Variants in WRAP53 observed in about 807,000 individuals in gnomAD.
The protein encoded by WRAP53 is WD repeat containing antisense to TP53.
A neutral mutation model predicts 56.6 loss-of-function variants in WRAP53; 28 were observed. The observed-to-expected ratio is 0.50, with a 90% CI of 0.37 to 0.68. The LOEUF is 0.68. Among genes scored for constraint, WRAP53 ranks in the 30% least tolerant of loss-of-function variants. WRAP53 has a pLI of 0.00. For synonymous variants in WRAP53, 283 were observed against 283.4 expected (o/e 1.00, Z 0.01); for missense variants, 671 against 715.5 (o/e 0.94, Z 0.71).
chr17:7,700,894 G>A, intron 5 of WRAP53, 65 bp downstream of exon 5: 1 of 1,245,556 alleles, frequency 8.0e-7, no homozygotes, highest in East Asian at 2.3e-5. Flanking sequence ...CCTCTTGGGA[G>A]AGTCAAGGGC....
upstream of WRAP53, chr17:7,686,463 A>T (rs1432128235): frequency 2.0e-5 from 3 of 152,182 alleles, no homozygotes; most frequent in Non-Finnish European, 4.4e-5. Flanking sequence ...AAAGAAGGGG[A>T]GGGATTGAGG....
chr17:7,695,659 C>T (rs1301566568), intron 4 of WRAP53, among the ~76,000 whole-genome samples: 1 of 152,182 alleles, frequency 6.6e-6, no homozygotes, highest in Non-Finnish European at 1.5e-5. Context: ...TGGCACTGTA[C>T]AGCCTTCCGG....
Position 7,703,320 on chromosome 17 carries a change from A to G in WRAP53, c.1481A>G (p.Glu494Gly), listed in dbSNP as rs1317289708. 6.2e-7 allele frequency: 1 copy of G among 1,613,852 alleles called. No homozygotes were observed. Among genetic ancestry groups the G allele is most frequent in the Admixed American group, 1.7e-5 (1 of 60,014 alleles). Reference sequence around the variant, plus strand: ...CCTGAGCCCACAGAGAGTGGGGACGAAGGAGAGGAGCTGGGCCTTCCCTTG... The same window carrying G: ...CCTGAGCCCACAGAGAGTGGGGACGGAGGAGAGGAGCTGGGCCTTCCCTTG... ...VFPEPTESGD[E>G]GEELGLPLLS... Residue 494 changes from glutamate to glycine, a missense_variant, in exon 11 of 11, where the codon GAA (glutamate) becomes GGA (glycine). Transcript: ENST00000396463.
Position 7,701,175 on chromosome 17 carries a change from T to C in WRAP53, c.732-284T>C, listed in dbSNP as rs2074268388. ...TTCATAGAGATGGGGTTTCACCACG[T>C]TGGCCAGGCTGGTCTCGAACTGACC... On this transcript the variant is annotated intron_variant, in intron 5 of 10. Transcript: ENST00000396463. This position sits in a 1 kb window ranked among gnomAD's most constrained non-coding sequence, Gnocchi z 4.2. 1.3e-5 allele frequency among the ~76,000 whole-genome samples: 2 copies of C among 152,202 alleles called. No homozygotes were observed. The highest frequency in any genetic ancestry group is 2.9e-5 in the Non-Finnish European group (2 of 68,042).
Position 7,702,846 on chromosome 17 carries a change from C to A in WRAP53, c.1268C>A (p.Pro423Gln). The A allele has an allele frequency of 6.2e-7, 1 of 1,613,862 alleles. No homozygotes were observed. Among genetic ancestry groups the A allele is most frequent in the Non-Finnish European group, 8.5e-7 (1 of 1,179,982 alleles). ...CAGCGCATCTACTTCGATCTGGACCCGTGAGTGGCTGTGACTCCTTCCTAC... is the reference window on the plus strand; with the variant it reads ...CAGCGCATCTACTTCGATCTGGACCAGTGAGTGGCTGTGACTCCTTCCTAC... Reference protein sequence around the residue: ...TNQRIYFDLDPTGQFLVSGST... With the variant: ...TNQRIYFDLDQTGQFLVSGST... The change falls in exon 9 of 11, where the codon CCG (proline) becomes CAG (glutamine). Residue 423 changes from proline (P) to glutamine (Q), a missense_variant and splice_region_variant. Pro to Gln is a moderately conservative substitution (Grantham distance 76, BLOSUM62 -1). Around this residue, in one of 3 missense-constraint regions of WRAP53, gnomAD observed 158 missense variants for 215.7 expected, o/e 0.73. Transcript: ENST00000396463. This position sits in a 1 kb window ranked among gnomAD's most constrained non-coding sequence, Gnocchi z 5.0.
rs976099760 is a variant in WRAP53 at position 7,688,856 on chromosome 17, G to T, written c.208G>T (p.Gly70Trp). The T allele has an allele frequency of 2.2e-4, 359 of 1,614,094 alleles. No individual in the cohort carries two copies. The highest frequency in any genetic ancestry group is 3.0e-4 in the Non-Finnish European group (353 of 1,180,042). ...GSAVSQELRE[G>W]DPVSLSTPLE... ...AGCTGTGTCCCAGGAGCTACGGGAG[G>T]GGGACCCAGTTTCTCTCTCCACTCC... Residue 70 changes from glycine (G) to tryptophan (W), a missense_variant, in exon 2 of 11, where the codon GGG becomes TGG. Physicochemically the swap from Gly to Trp is radical, Grantham distance 184. Around this residue, in one of 3 missense-constraint regions of WRAP53, gnomAD observed 406 missense variants for 418.5 expected, o/e 0.97. Transcript: ENST00000396463.
chr17:7,703,316 G>T lies in WRAP53; in HGVS notation c.1477G>T (p.Asp493Tyr). 6.2e-7 allele frequency: 1 copy of T among 1,613,958 alleles called. No individual in the cohort carries two copies. Among genetic ancestry groups the T allele is most frequent in the Non-Finnish European group, 8.5e-7 (1 of 1,180,016 alleles). The change falls in exon 11 of 11, where the codon GAC becomes TAC. Residue 493 changes from aspartate (D) to tyrosine (Y), a missense_variant. Around this residue, in one of 3 missense-constraint regions of WRAP53, gnomAD observed 107 missense variants for 81.3 expected, o/e 1.32. Coordinates refer to ENST00000396463, the MANE Select transcript of WRAP53 (RefSeq NM_001143992.2). Reference sequence around the variant, plus strand: ...GTTTCCTGAGCCCACAGAGAGTGGGGACGAAGGAGAGGAGCTGGGCCTTCC... The same window carrying T: ...GTTTCCTGAGCCCACAGAGAGTGGGTACGAAGGAGAGGAGCTGGGCCTTCC... ...RVFPEPTESG[D>Y]EGEELGLPLL...
intron 4 of WRAP53, among the ~76,000 whole-genome samples, chr17:7,692,451 C>T (rs2074124072): frequency 6.6e-6 from 1 of 151,276 alleles, no homozygotes; most frequent in African/African-American, 2.4e-5. Flanking sequence ...GAAACCCCAT[C>T]TCTATTAAAA....
intron 4 of WRAP53, among the ~76,000 whole-genome samples, chr17:7,696,333 C>A (rs371017025): frequency 1.7e-5 from 2 of 115,586 alleles, no homozygotes; most frequent in African/African-American, 6.8e-5. Context: ...GAGTCTTGCT[C>A]TGTCGCCCAG....
intron 4 of WRAP53, among the ~76,000 whole-genome samples, chr17:7,698,388 A>G (rs552126321): frequency 2.0e-5 from 3 of 152,272 alleles, no homozygotes; most frequent in South Asian, 4.1e-4. Flanking sequence ...ATGTGTTTCC[A>G]TGGTTAAAGC....
intron 3 of WRAP53, 62 bp from the exon 4 acceptor site, chr17:7,689,528 C>A: frequency 6.6e-7 from 1 of 1,524,612 alleles, no homozygotes; most frequent in Non-Finnish European, 9.1e-7. Context: ...GCAGGCTCAG[C>A]CCTAGCCCTA....
At position 7,696,010 on chromosome 17, in the gene WRAP53, C is replaced by G. The variant is rs2074178555; in HGVS notation, c.643-4731C>G. On this transcript the variant is annotated intron_variant, in intron 4 of 10. Coordinates refer to ENST00000396463, the MANE Select transcript of WRAP53 (RefSeq NM_001143992.2). ...GAGGCAGATGTGATTCCCTCCTTCTCTGATAGGTATGACGGAAGGGGAGTG... is the reference window on the plus strand; with the variant it reads ...GAGGCAGATGTGATTCCCTCCTTCTGTGATAGGTATGACGGAAGGGGAGTG... 2.0e-5 allele frequency among the ~76,000 whole-genome samples: 3 copies of G among 152,076 alleles called. No homozygotes were observed. In the South Asian group the frequency reaches 6.2e-4, roughly 32 times the overall value.
Position 7,702,678 on chromosome 17 carries a change from C to A in WRAP53, c.1165-65C>A. 1 of 1,600,164 alleles carries A rather than the reference C, an allele frequency of 6.2e-7. No homozygotes were observed. Among genetic ancestry groups the A allele is most frequent in the Non-Finnish European group, 8.5e-7 (1 of 1,173,954 alleles). On this transcript the variant is annotated intron_variant, in intron 8 of 10. Coordinates refer to ENST00000396463, the MANE Select transcript of WRAP53 (RefSeq NM_001143992.2). This position sits in a 1 kb window ranked among gnomAD's most constrained non-coding sequence, Gnocchi z 5.0. ...CCCAAGCTGAAGGAGTGCCTGGAGA[C>A]CCCGAGGGAGGCAGGGACATCCAGG... is the stretch of plus-strand genomic sequence containing the variant.
chr17:7,699,522 T>TATATATATATATATATA (rs1567577715), intron 4 of WRAP53, among the ~76,000 whole-genome samples: 1 of 14,110 alleles, frequency 7.1e-5, no homozygotes, highest in African/African-American at 3.5e-4. Flanking sequence ...ATATATATAT[T>TATATATATATATATATA]TATATATATA....
upstream of WRAP53, chr17:7,687,598 G>A (rs2074031049): frequency 7.5e-6 from 3 of 398,868 alleles, no homozygotes; most frequent in Admixed American, 4.4e-5. Flanking sequence ...GCCATGACAA[G>A]TAAGGGCAAG....
Position 7,701,815 on chromosome 17 carries a change from G to A in WRAP53, c.955+26G>A. ...GTAAGCATCTGTGCCTCCAAGGGAGGAGGAGAGGGAAGGGCACTGCCACCT... is the reference window on the plus strand; with the variant it reads ...GTAAGCATCTGTGCCTCCAAGGGAGAAGGAGAGGGAAGGGCACTGCCACCT... On this transcript the variant is annotated intron_variant, in intron 7 of 10. Transcript: ENST00000396463. This position sits in a 1 kb window ranked among gnomAD's most constrained non-coding sequence, Gnocchi z 4.2. The A allele has an allele frequency of 3.1e-6, 5 of 1,610,294 alleles. No homozygotes were observed. The highest frequency in any genetic ancestry group is 1.3e-5 in the African/African-American group (1 of 75,004).
chr17:7,702,222 C>A lies in WRAP53; in HGVS notation c.956-122C>A. Reference sequence around the variant, plus strand: ...AGGTCTTTGTCCTGCTTGTGACAGACAGCATGGGGGGGATGTTGAGTCCAA... The same window carrying A: ...AGGTCTTTGTCCTGCTTGTGACAGAAAGCATGGGGGGGATGTTGAGTCCAA... On this transcript the variant is annotated intron_variant, in intron 7 of 10. Coordinates refer to ENST00000396463, the MANE Select transcript of WRAP53 (RefSeq NM_001143992.2). This position sits in a 1 kb window ranked among gnomAD's most constrained non-coding sequence, Gnocchi z 5.0. 1 of 1,066,634 alleles carries A rather than the reference C, an allele frequency of 9.4e-7. No homozygotes were observed. Among genetic ancestry groups the A allele is most frequent in the Non-Finnish European group, 1.4e-6 (1 of 702,650 alleles). 66.1% of individuals were successfully genotyped at this position (1,066,634 alleles called of 1,614,324 possible).
rs752432522 is a variant in WRAP53 at position 7,703,081 on chromosome 17, C to G, written c.1357C>G (p.Pro453Ala). 3.1e-6 allele frequency: 5 copies of G among 1,614,080 alleles called. No homozygotes were observed. In the South Asian group the frequency reaches 4.4e-5, roughly 14 times the overall value. ...DGPGNDGKPE[P>A]VLSFLPQKDC... ...GCCTGGCAATGATGGGAAGCCGGAG[C>G]CCGTGTTGAGTTTTCTGCCCCAGAA... Residue 453 changes from proline to alanine, a missense_variant, in exon 10 of 11, where the codon CCC (proline) becomes GCC (alanine). Transcript: ENST00000396463.
rs2074265189 is a variant in WRAP53, at chr17:7,700,903, G to T, written c.731+74G>T. On this transcript the variant is annotated intron_variant, in intron 5 of 10. Coordinates refer to ENST00000396463, the MANE Select transcript of WRAP53 (RefSeq NM_001143992.2). ...GCAGGGCCTCTTGGGAGAGTCAAGGGCTGCCAGGGGTCTTTGGAGGAGGAA... is the reference window on the plus strand; with the variant it reads ...GCAGGGCCTCTTGGGAGAGTCAAGGTCTGCCAGGGGTCTTTGGAGGAGGAA... 1.3e-5 allele frequency: 15 copies of T among 1,117,116 alleles called. No individual in the cohort carries two copies. In the South Asian group the frequency reaches 1.4e-4, roughly 10 times the overall value. The allele number at this position is 1,117,116 out of a possible 1,614,324, so 69.2% of individuals were successfully genotyped here.
Sources: gnomAD v4.1 joint callset for allele counts (sites outside exome capture counted in the v4.1 genomes callset) on GRCh38, gnomAD v4.1.1 for gene constraint, gnomAD v4.1.1 regional missense constraint, Gnocchi (gnomAD v3.1) non-coding constraint, MANE v1.5 for transcripts, NCBI Gene and HGNC (gene_info 2026-07-23, HGNC 2026-07-21) for gene names.